Variants in MBNL3 observed in about 807,000 individuals in gnomAD.
MBNL3 encodes muscleblind-like protein 3.
Under a neutral mutation model 24.5 loss-of-function variants are expected in MBNL3, and 6 were observed. The observed-to-expected ratio is 0.25, with a 90% CI of 0.13 to 0.48. The LOEUF (loss-of-function observed/expected upper bound fraction) is 0.48, where lower values mean the gene tolerates loss of function less well. Ranked by LOEUF, MBNL3 falls within the 20% of genes least tolerant of loss-of-function variation. The pLI, the probability that MBNL3 is intolerant of heterozygous loss-of-function variation, is 0.99. For synonymous variants in MBNL3, 100 were observed against 101.7 expected (o/e 0.98, Z 0.10); for missense variants, 230 against 293.5 (o/e 0.78, Z 1.58).
At chrX:132,404,183 G>A (rs777853555) in intron 3 of MBNL3, among the ~76,000 whole-genome samples, 10 of 111,638 alleles carry the variant, frequency 9.0e-5, no homozygotes, top group Admixed American at 2.9e-4. Flanking sequence ...CAATGTATAC[G>A]TCTAACAAAT....
In MBNL3 at chrX:132,417,647, T is replaced by TA. The variant is rs771623880; in HGVS notation, c.178-11256dup. Among the ~76,000 whole-genome samples, 5 of 111,894 alleles carry TA rather than the reference T, an allele frequency of 4.5e-5. No individual in the cohort carries two copies. The South Asian group carries it at 1.9e-3, about 42-fold the overall frequency. ...GGTCATTCAGGCCATGGTGATATTC[T>TA]AGTCAGTGCCTTTTAATTAGCGGAA... On this transcript the variant is annotated intron_variant, in intron 2 of 8. Transcript: ENST00000370853.
intron 1 of MBNL3, among the ~76,000 whole-genome samples, chrX:132,471,096 A>C (rs2148518490): frequency 9.0e-6 from 1 of 111,374 alleles, no homozygotes; most frequent in Non-Finnish European, 1.9e-5. Context: ...GGATTAGATG[A>C]GATAACATGT....
At chrX:132,437,806 T>C (rs774451159) in intron 2 of MBNL3, 2 of 265,143 alleles carry the variant, frequency 7.5e-6, no homozygotes, top group Non-Finnish European at 1.0e-5. Context: ...GAAACTTAAA[T>C]GAAACCAAAA....
chrX:132,404,507 A>C (rs1234647964), intron 3 of MBNL3, among the ~76,000 whole-genome samples: 1 of 112,501 alleles, frequency 8.9e-6, no homozygotes, highest in African/African-American at 3.2e-5. Context: ...AGCTTTGAGG[A>C]GTTCACCTTC....
intron 1 of MBNL3, among the ~76,000 whole-genome samples, chrX:132,482,306 T>C (rs5977709): frequency 0.051 from 5,693 of 112,539 alleles, 175 homozygotes; most frequent in Middle Eastern, 0.11. Context: ...TTACACATTG[T>C]ATGCATGTAT....
At chrX:132,401,652 T>C (rs983932784) in intron 3 of MBNL3, among the ~76,000 whole-genome samples, 2 of 110,114 alleles carry the variant, frequency 1.8e-5, no homozygotes, top group African/African-American at 6.6e-5. Flanking sequence ...TATTTTCCAA[T>C]TTTATCTCCA....
rs147780521 is a variant in MBNL3 at position 132,397,835 on chromosome X, A to G, written c.343-5501T>C. On this transcript the variant is annotated intron_variant, in intron 3 of 8. Coordinates refer to ENST00000370853, the MANE Select transcript of MBNL3 (RefSeq NM_001386889.1). ...ACAGTATTTGCTTGGTCATTTCCAC[A>G]CTCCTTGAGTAATGTTCCGTGGGGA... 8.5e-3 allele frequency among the ~76,000 whole-genome samples: 936 copies of G among 110,069 alleles called. 11 individuals carry two copies. Among genetic ancestry groups the G allele is most frequent in the African/African-American group, 0.03 (898 of 30,267 alleles).
intron 2 of MBNL3, among the ~76,000 whole-genome samples, chrX:132,406,955 T>G (rs1038390265): frequency 2.7e-5 from 3 of 111,968 alleles, no homozygotes; most frequent in Non-Finnish European, 5.6e-5. Context: ...AATTCTATTT[T>G]CCACAGATGC....
rs1933954908 is a variant in MBNL3, at chrX:132,374,582, A to G, written c.*5084T>C. 9.0e-6 allele frequency: 1 copy of G among 111,013 alleles called. No homozygotes were observed. Among genetic ancestry groups the G allele is most frequent in the African/African-American group, 3.3e-5 (1 of 30,541 alleles). The allele number at this position is 111,013 out of a possible 1,213,427, so 9.1% of individuals were successfully genotyped here. A position where few individuals can be genotyped will look rare whatever the true frequency, so the allele number is the denominator to read the frequency against. ...ATAACTCTCTCTTACTAACTTTTCC[A>G]CTATTATCACAGACTTCTTACATTT... On this transcript the variant is annotated 3_prime_UTR_variant, in exon 9 of 9. Transcript: ENST00000370853.
chrX:132,434,778 G>A (rs940559093), intron 2 of MBNL3, among the ~76,000 whole-genome samples: 1 of 111,750 alleles, frequency 8.9e-6, no homozygotes, highest in African/African-American at 3.3e-5. Flanking sequence ...GGTTGGAGGA[G>A]ACTAAGGAGA....
chrX:132,369,687 G>C lies in MBNL3; in HGVS notation c.*9979C>G, dbSNP rs1223359935. 8.9e-6 allele frequency: 1 copy of C among 111,824 alleles called. No homozygotes were observed. Among genetic ancestry groups the C allele is most frequent in the Non-Finnish European group, 1.9e-5 (1 of 53,161 alleles). The allele number at this position is 111,824 out of a possible 1,213,427, so 9.2% of individuals were successfully genotyped here. A position where few individuals can be genotyped will look rare whatever the true frequency, so the allele number is the denominator to read the frequency against. On this transcript the variant is annotated 3_prime_UTR_variant, in exon 9 of 9. Coordinates refer to ENST00000370853, the MANE Select transcript of MBNL3 (RefSeq NM_001386889.1). Reference sequence around the variant, plus strand: ...TTTGCTTTAGCAGGTGCTGTTGCTGGTATTCATCCAGTTACACTATGATTT... The same window carrying C: ...TTTGCTTTAGCAGGTGCTGTTGCTGCTATTCATCCAGTTACACTATGATTT...
intron 2 of MBNL3, chrX:132,437,956 A>AT: frequency 1.8e-6 from 1 of 560,258 alleles, no homozygotes; most frequent in Non-Finnish European, 2.2e-6. Context: ...GCAAAAAAAA[A>AT]CAAAAAACAA....
chrX:132,420,457 C>T (rs1943704678), intron 2 of MBNL3, among the ~76,000 whole-genome samples: 1 of 111,173 alleles, frequency 9.0e-6, no homozygotes, highest in Admixed American at 9.4e-5. Context: ...AACAGAGCTC[C>T]CATAAAATGG....
intron 5 of MBNL3, 93 bp from the exon 6 acceptor site, chrX:132,386,904 C>A: frequency 9.9e-7 from 1 of 1,015,100 alleles, no homozygotes. Context: ...TCCTGGGAAT[C>A]CTCCGTAAGG....
At position 132,380,592 on chromosome X, in the gene MBNL3, C is replaced by T. The variant is rs753277457; in HGVS notation, c.1054-915G>A. Among the ~76,000 whole-genome samples the T allele has an allele frequency of 2.2e-3, 243 of 111,267 alleles. 2 individuals carry two copies. Among genetic ancestry groups the T allele is most frequent in the Non-Finnish European group, 3.1e-3 (166 of 53,056 alleles). The stretch of plus-strand genomic sequence containing the variant: ...AGCTGGGGTCTGGGGAACTAGTTCA[C>T]GAGGGAACAGAACTGCTGCCTCCTT... On this transcript the variant is annotated intron_variant, in intron 8 of 8. Coordinates refer to ENST00000370853, the MANE Select transcript of MBNL3 (RefSeq NM_001386889.1).
intron 1 of MBNL3, among the ~76,000 whole-genome samples, chrX:132,479,445 A>G (rs1009053738): frequency 8.9e-6 from 1 of 112,227 alleles, no homozygotes; most frequent in Non-Finnish European, 1.9e-5. Context: ...TCAAACTCAA[A>G]AATGTTCAAA....
At position 132,439,464 on chromosome X, in the gene MBNL3, G is replaced by A. The variant is rs1320556009; in HGVS notation, c.148C>T (p.Arg50Cys). The A allele has an allele frequency of 9.1e-6, 11 of 1,202,879 alleles. No homozygotes were observed. Among genetic ancestry groups the A allele is most frequent in the Admixed American group, 4.5e-5 (2 of 44,830 alleles). ...AGAGAATCAAAACAGGCCACCACACGACCATTTTCCACATGGCAAACTCTT... is the reference window on the plus strand; with the variant it reads ...AGAGAATCAAAACAGGCCACCACACAACCATTTTCCACATGGCAAACTCTT... ...PPRVCHVENGRVVACFDSLKG... is the reference protein window; with the variant it reads ...PPRVCHVENGCVVACFDSLKG... The change falls in exon 2 of 9, where the codon CGT becomes TGT. Residue 50 changes from arginine to cysteine, a missense_variant. Physicochemically the swap from Arg to Cys is radical, Grantham distance 180 (BLOSUM62 -3). Transcript: ENST00000370853.
At chrX:132,468,425 ACATT>A (rs766141303) in intron 1 of MBNL3, among the ~76,000 whole-genome samples, 6 of 112,604 alleles carry the variant, frequency 5.3e-5, no homozygotes, top group Non-Finnish European at 1.1e-4. Flanking sequence ...TGTAAAAGGA[ACATT>A]CAATTTCCAA....
intron 7 of MBNL3, among the ~76,000 whole-genome samples, chrX:132,383,173 T>A (rs1257396116): frequency 1.8e-5 from 2 of 112,486 alleles, no homozygotes; most frequent in Non-Finnish European, 3.8e-5. Flanking sequence ...TAATTTATCA[T>A]GTCTACATCA....
Sources: allele counts gnomAD v4.1 joint callset (sites outside exome capture counted in the v4.1 genomes callset), GRCh38; gene constraint gnomAD v4.1.1; transcripts MANE v1.5; gene names NCBI Gene and HGNC (gene_info 2026-07-23, HGNC 2026-07-21).